NDUFAF5: variants seen among roughly 807,000 people sequenced by gnomAD.
NDUFAF5 encodes arginine-hydroxylase NDUFAF5, mitochondrial.
Under a neutral mutation model 48.9 loss-of-function variants are expected in NDUFAF5, and 34 were observed. The ratio of observed to expected loss-of-function variants is 0.70; its 90% CI spans 0.53 to 0.93. The LOEUF (loss-of-function observed/expected upper bound fraction) is 0.93. Among genes scored for constraint, NDUFAF5 ranks in the 40% least tolerant of loss-of-function variants. The pLI is 0.00. For synonymous variants in NDUFAF5, 153 were observed against 150.6 expected, an observed-to-expected ratio of 1.02 and a Z score of -0.12; for missense variants, 428 against 427.5, an observed-to-expected ratio of 1.00 and a Z score of -0.01.
chr20:13,802,748 T>C (rs1984394848), intron 7 of NDUFAF5, among the ~76,000 whole-genome samples: 1 of 150,582 alleles, frequency 6.6e-6, no homozygotes, highest in Non-Finnish European at 1.5e-5. Flanking sequence ...ACCAGGACCA[T>C]GGTAGATGCT....
intron 7 of NDUFAF5, among the ~76,000 whole-genome samples, chr20:13,803,862 C>G (rs912312188): frequency 3.9e-5 from 6 of 152,044 alleles, no homozygotes; most frequent in Non-Finnish European, 8.8e-5. Flanking sequence ...CTTGGCCCAC[C>G]ACAATCTCTC....
At chr20:13,816,716 T>G in intron 9 of NDUFAF5, 159 bp from the exon 10 acceptor site, 2 of 757,786 alleles carry the variant, frequency 2.6e-6, no homozygotes, top group Non-Finnish European at 4.7e-6. Flanking sequence ...GCCTTTACTA[T>G]TTCCTTACCC....
At chr20:13,789,915 T>G (rs1358933963) in intron 3 of NDUFAF5, among the ~76,000 whole-genome samples, 1 of 152,104 alleles carries the variant, frequency 6.6e-6, no homozygotes, top group Non-Finnish European at 1.5e-5. Context: ...GTCATTAAAG[T>G]GCAACAGGAA....
intron 2 of NDUFAF5, 87 bp from the exon 3 acceptor site, chr20:13,788,502 C>T: frequency 9.7e-7 from 1 of 1,027,012 alleles, no homozygotes; most frequent in South Asian, 1.3e-5. Flanking sequence ...GTTGTGTTTA[C>T]TGGAATGATT....
chr20:13,791,908 G>C lies in NDUFAF5; in HGVS notation c.328-1272G>C, dbSNP rs116927275. 5.9e-3 allele frequency among the ~76,000 whole-genome samples: 897 copies of C among 152,346 alleles called. 7 individuals are homozygous for C. Among genetic ancestry groups the C allele is most frequent in the Non-Finnish European group, 0.01 (691 of 68,042 alleles). On this transcript the variant is annotated intron_variant, in intron 3 of 10. Coordinates refer to ENST00000378106, the MANE Select transcript of NDUFAF5 (RefSeq NM_024120.5). ...CTGAAGCTAGCTTAGGCCAGCCTGTGAGAGCCAATTGTTAGCATCTCTTCC... is the reference window on the plus strand; with the variant it reads ...CTGAAGCTAGCTTAGGCCAGCCTGTCAGAGCCAATTGTTAGCATCTCTTCC...
chr20:13,809,561 T>C (rs1985564121), intron 8 of NDUFAF5, among the ~76,000 whole-genome samples: 1 of 152,224 alleles, frequency 6.6e-6, no homozygotes, highest in African/African-American at 2.4e-5. Flanking sequence ...AGTTAAGTGA[T>C]GACCTTGGTG....
At chr20:13,787,571 G>A (rs983131388) in intron 2 of NDUFAF5, among the ~76,000 whole-genome samples, 2 of 152,174 alleles carry the variant, frequency 1.3e-5, no homozygotes, top group African/African-American at 2.4e-5. Flanking sequence ...AGCACAACTC[G>A]TATCTATCTC....
At chr20:13,787,564 A>C (rs1981403628) in intron 2 of NDUFAF5, among the ~76,000 whole-genome samples, 1 of 152,242 alleles carries the variant, frequency 6.6e-6, no homozygotes, top group Admixed American at 6.5e-5. Flanking sequence ...GTGTGGAAGC[A>C]CAACTCGTAT....
At chr20:13,790,784 C>G (rs1471506740) in intron 3 of NDUFAF5, among the ~76,000 whole-genome samples, 2 of 152,194 alleles carry the variant, frequency 1.3e-5, no homozygotes, top group African/African-American at 4.8e-5. Flanking sequence ...GAGCTTTGCT[C>G]TATGCTCTTC....
intron 8 of NDUFAF5, among the ~76,000 whole-genome samples, chr20:13,810,085 AGAGGAAGCTACTGGCTT>A (rs1218222241): frequency 6.6e-6 from 1 of 152,250 alleles, no homozygotes; most frequent in Non-Finnish European, 1.5e-5. Context: ...TAGGTAGCTC[AGAGGAAGCTACTGGCTT>A]GGTTAAAAAG....
rs116912604 is a variant in NDUFAF5, at chr20:13,795,309, A to G, written c.479+368A>G. Among the ~76,000 whole-genome samples the G allele has an allele frequency of 2.5e-4, 38 of 152,306 alleles. No homozygotes were observed. The East Asian group carries it at 7.3e-3, about 29-fold the overall frequency. On this transcript the variant is annotated intron_variant, in intron 5 of 10. Coordinates refer to ENST00000378106, the MANE Select transcript of NDUFAF5 (RefSeq NM_024120.5). ...CAAATGTTAGAGCAATTCCAAAATA[A>G]TAAGTTACATTGGGGAGAAAACCCT...
At chr20:13,788,521 G>A in intron 2 of NDUFAF5, 68 bp from the exon 3 acceptor site, 1 of 1,265,274 alleles carries the variant, frequency 7.9e-7, no homozygotes, top group Non-Finnish European at 1.2e-6. Flanking sequence ...TTTTACCTAA[G>A]AAAAAATAAT....
chr20:13,786,222 G>A (rs1479347869), intron 1 of NDUFAF5, among the ~76,000 whole-genome samples: 1 of 152,212 alleles, frequency 6.6e-6, no homozygotes, highest in African/African-American at 2.4e-5. Flanking sequence ...CATAGCTTGA[G>A]CAGAGCTCTG....
At chr20:13,797,692 G>A (rs188888957) in intron 5 of NDUFAF5, among the ~76,000 whole-genome samples, 1 of 152,210 alleles carries the variant, frequency 6.6e-6, no homozygotes, top group East Asian at 1.9e-4. Context: ...CAAACCCTTA[G>A]AATATACAAC....
At chr20:13,807,892 C>T (rs895474767) in intron 7 of NDUFAF5, among the ~76,000 whole-genome samples, 8 of 151,174 alleles carry the variant, frequency 5.3e-5, no homozygotes, top group African/African-American at 1.5e-4. Flanking sequence ...GAGGCTGCAA[C>T]GAGCAGAGAT....
intron 3 of NDUFAF5, among the ~76,000 whole-genome samples, chr20:13,791,916 A>C (rs752631699): frequency 6.6e-6 from 1 of 152,198 alleles, no homozygotes; most frequent in Non-Finnish European, 1.5e-5. Context: ...GTGAGAGCCA[A>C]TTGTTAGCAT....
At position 13,786,196 on chromosome 20, in the gene NDUFAF5, A is replaced by C. The variant is rs536339687; in HGVS notation, c.222+906A>C. Among the ~76,000 whole-genome samples the C allele has an allele frequency of 3.3e-5, 5 of 152,342 alleles. No homozygotes were observed. In the South Asian group the frequency reaches 6.2e-4, roughly 19 times the overall value. ...AAGTTGGAGTCAAGTATAATGCAACAAACAGTTATTGAACTCATAGCTTGA... is the reference window on the plus strand; with the variant it reads ...AAGTTGGAGTCAAGTATAATGCAACCAACAGTTATTGAACTCATAGCTTGA... On this transcript the variant is annotated intron_variant, in intron 1 of 10. Transcript: ENST00000378106.
rs775962107 is a variant in NDUFAF5, at chr20:13,817,900, G to T, written c.*690G>T. 1.1e-5 allele frequency: 5 copies of T among 453,994 alleles called. No homozygotes were observed. The highest frequency in any genetic ancestry group is 2.3e-5 in the Admixed American group (1 of 42,558). 28.1% of individuals were successfully genotyped at this position (453,994 alleles called of 1,614,324 possible). On this transcript the variant is annotated 3_prime_UTR_variant, in exon 11 of 11. Coordinates refer to ENST00000378106, the MANE Select transcript of NDUFAF5 (RefSeq NM_024120.5). Reference sequence around the variant, plus strand: ...CACAGTCCTGTTGTTGTCGAGGAGGGTTCAAAATCATTTGGAGATAATCAA... The same window carrying T: ...CACAGTCCTGTTGTTGTCGAGGAGGTTTCAAAATCATTTGGAGATAATCAA...
At chr20:13,791,233 T>C (rs1038216836) in intron 3 of NDUFAF5, among the ~76,000 whole-genome samples, 7 of 152,224 alleles carry the variant, frequency 4.6e-5, no homozygotes, top group African/African-American at 1.4e-4. Flanking sequence ...AATTGGGATA[T>C]TGAGGTTAAG....
Sources: gnomAD v4.1 joint callset for allele counts (sites outside exome capture counted in the v4.1 genomes callset) on GRCh38, gnomAD v4.1.1 for gene constraint, MANE v1.5 for transcripts, NCBI Gene and HGNC (gene_info 2026-07-23, HGNC 2026-07-21) for gene names.